PLCXD3: variants seen among roughly 807,000 people sequenced by gnomAD.
PLCXD3 encodes PI-PLC X domain-containing protein 3.
PLCXD3 carries 19 observed loss-of-function variants against 25.5 expected under a neutral mutation model. That is an observed-to-expected ratio of 0.75 (90% CI 0.52 to 1.09). The LOEUF is 1.09. Among genes scored for constraint, PLCXD3 ranks in the 50% least tolerant of loss-of-function variants. The pLI, the probability that PLCXD3 is intolerant of heterozygous loss-of-function variation, is 0.00. For missense variants in PLCXD3, 411 were observed against 388.1 expected, an observed-to-expected ratio of 1.06 and a Z score of -0.50; for synonymous variants, 174 against 137.6, an observed-to-expected ratio of 1.26 and a Z score of -1.85.
chr5:41,481,427 T>G (rs1457133), intron 1 of PLCXD3, among the ~76,000 whole-genome samples: 86,347 of 152,090 alleles, frequency 0.57, 26,223 homozygotes, highest in African/African-American at 0.81. Context: ...CCAGCATACT[T>G]GAGATGAGTC....
intron 2 of PLCXD3, among the ~76,000 whole-genome samples, chr5:41,346,259 C>A (rs973038573): frequency 2.0e-5 from 3 of 152,206 alleles, no homozygotes; most frequent in African/African-American, 4.8e-5. Flanking sequence ...TCACCAACAC[C>A]TAGCTAGTTT....
At chr5:41,390,215 C>A (rs939804814) in intron 1 of PLCXD3, among the ~76,000 whole-genome samples, 2 of 151,902 alleles carry the variant, frequency 1.3e-5, no homozygotes, top group African/African-American at 4.8e-5. Flanking sequence ...AAATCATATT[C>A]CAACAGTATT....
intron 1 of PLCXD3, among the ~76,000 whole-genome samples, chr5:41,500,259 C>T (rs899157007): frequency 1.3e-5 from 2 of 151,810 alleles, no homozygotes; most frequent in African/African-American, 2.4e-5. Context: ...ATAATAAGGT[C>T]GCTTCTTTTG....
chr5:41,343,591 T>G (rs1744221060), intron 2 of PLCXD3, among the ~76,000 whole-genome samples: 1 of 152,104 alleles, frequency 6.6e-6, no homozygotes, highest in African/African-American at 2.4e-5. Context: ...AATCACAAAC[T>G]TAGTTTGTGT....
intron 2 of PLCXD3, among the ~76,000 whole-genome samples, chr5:41,354,384 T>C (rs1744559686): frequency 6.6e-6 from 1 of 152,172 alleles, no homozygotes. Flanking sequence ...CTGACTTCAG[T>C]GAATGGCATC....
intron 1 of PLCXD3, among the ~76,000 whole-genome samples, chr5:41,382,981 C>A (rs970043245): frequency 6.6e-6 from 1 of 152,024 alleles, no homozygotes; most frequent in African/African-American, 2.4e-5. Context: ...AATAAAGATG[C>A]CCTTTTCACA....
At chr5:41,349,669 A>G (rs1469767161) in intron 2 of PLCXD3, among the ~76,000 whole-genome samples, 2 of 152,218 alleles carry the variant, frequency 1.3e-5, no homozygotes, top group East Asian at 3.8e-4. Context: ...GGAGGTTTAA[A>G]TAACACTTCA....
intron 1 of PLCXD3, among the ~76,000 whole-genome samples, chr5:41,393,692 G>A (rs539165764): frequency 6.6e-6 from 1 of 152,154 alleles, no homozygotes; most frequent in African/African-American, 2.4e-5. Context: ...GGCTGAGGTG[G>A]GTGGATCACA....
At chr5:41,430,503 G>A (rs2150508499) in intron 1 of PLCXD3, among the ~76,000 whole-genome samples, 1 of 152,222 alleles carries the variant, frequency 6.6e-6, no homozygotes, top group South Asian at 2.1e-4. Flanking sequence ...CTGAGATCAG[G>A]GCTTAATGAG....
intron 2 of PLCXD3, among the ~76,000 whole-genome samples, chr5:41,328,955 A>G (rs1390133100): frequency 6.6e-6 from 1 of 152,192 alleles, no homozygotes; most frequent in African/African-American, 2.4e-5. Context: ...TTTAGAACAA[A>G]GGTAAAAATG....
intron 2 of PLCXD3, among the ~76,000 whole-genome samples, chr5:41,331,145 G>A (rs1345125313): frequency 6.6e-6 from 1 of 152,156 alleles, no homozygotes; most frequent in Non-Finnish European, 1.5e-5. Flanking sequence ...AGGAAAAGAG[G>A]AAGCCAAATT....
chr5:41,412,906 G>A (rs141302848), intron 1 of PLCXD3, among the ~76,000 whole-genome samples: 154 of 152,168 alleles, frequency 1.0e-3, no homozygotes, highest in African/African-American at 3.5e-3. Flanking sequence ...ACTGTCTTCT[G>A]GTAGGAATTG....
chr5:41,484,155 T>C (rs1325777144), intron 1 of PLCXD3, among the ~76,000 whole-genome samples: 2 of 152,080 alleles, frequency 1.3e-5, no homozygotes, highest in Non-Finnish European at 2.9e-5. Flanking sequence ...GGGCCGCAGC[T>C]ATATGTATGA....
intron 1 of PLCXD3, among the ~76,000 whole-genome samples, chr5:41,502,784 C>T (rs1199954789): frequency 1.3e-5 from 2 of 151,994 alleles, no homozygotes; most frequent in African/African-American, 2.4e-5. Flanking sequence ...TTTCCAGGTA[C>T]GTAGGACAGA....
chr5:41,402,034 C>T (rs752278006), intron 1 of PLCXD3, among the ~76,000 whole-genome samples: 16 of 151,810 alleles, frequency 1.1e-4, no homozygotes, highest in Non-Finnish European at 1.5e-4. Context: ...ATTGACATTT[C>T]CTAAGAACCA....
rs780830963 is a variant in PLCXD3 at position 41,510,494 on chromosome 5, T to C, written c.33A>G (p.Lys11=). The change falls in exon 1 of 3, where the codon AAA becomes AAG. Residue 11 remains lysine (K), a synonymous_variant. Transcript: ENST00000377801. The part of the protein sequence containing the change: MASSQGKNEL[K]LADWMATLPE... The stretch of plus-strand genomic sequence containing the variant: ...GCAGAGTTGCCATCCAGTCGGCTAA[T>C]TTCAGCTCGTTTTTCCCCTGAGACG... The C allele has an allele frequency of 3.1e-6, 5 of 1,613,170 alleles. No homozygotes were observed. Among genetic ancestry groups the C allele is most frequent in the East Asian group, 4.5e-5 (2 of 44,746 alleles).
intron 1 of PLCXD3, among the ~76,000 whole-genome samples, chr5:41,461,663 A>C (rs757320895): frequency 6.6e-6 from 1 of 151,982 alleles, no homozygotes; most frequent in Non-Finnish European, 1.5e-5. Flanking sequence ...GAAAATCAAG[A>C]GAGAGAAAGG....
At chr5:41,372,009 T>C (rs551636695) in intron 2 of PLCXD3, among the ~76,000 whole-genome samples, 14 of 152,078 alleles carry the variant, frequency 9.2e-5, no homozygotes, top group Non-Finnish European at 1.6e-4. Context: ...CTACACAAAT[T>C]ATTGTGTCAC....
chr5:41,372,503 T>C (rs1406296646), intron 2 of PLCXD3, among the ~76,000 whole-genome samples: 1 of 152,050 alleles, frequency 6.6e-6, no homozygotes, highest in Non-Finnish European at 1.5e-5. Flanking sequence ...AAAGAGAGTT[T>C]TTATGTGCAC....
Sources: gnomAD v4.1 joint callset for allele counts (sites outside exome capture counted in the v4.1 genomes callset) on GRCh38, gnomAD v4.1.1 for gene constraint, MANE v1.5 for transcripts, NCBI Gene and HGNC (gene_info 2026-07-23, HGNC 2026-07-21) for gene names.